Variants in SPATS2L observed in about 807,000 individuals in gnomAD.
The protein encoded by SPATS2L is SPATS2-like protein.
In SPATS2L, 30 loss-of-function variants were observed where a neutral mutation model predicts 59.6. The ratio of observed to expected loss-of-function variants is 0.50; its 90% CI spans 0.38 to 0.68. SPATS2L has a LOEUF of 0.68. SPATS2L is among the 30% of genes least tolerant of loss of function. SPATS2L has a pLI of 0.00. For missense variants in SPATS2L, 615 were observed against 700.0 expected, an observed-to-expected ratio of 0.88 and a Z score of 1.37; for synonymous variants, 252 against 263.5, an observed-to-expected ratio of 0.96 and a Z score of 0.42.
At chr2:200,386,699 C>T (rs2082003859) in intron 2 of SPATS2L, among the ~76,000 whole-genome samples, 1 of 152,184 alleles carries the variant, frequency 6.6e-6, no homozygotes, top group Non-Finnish European at 1.5e-5. Flanking sequence ...TTAGATGTGT[C>T]CAGAAGAATC....
chr2:200,335,783 TGCA>T (rs2080122531), intron 2 of SPATS2L, among the ~76,000 whole-genome samples: 2 of 152,302 alleles, frequency 1.3e-5, no homozygotes, highest in Non-Finnish European at 1.5e-5. Context: ...GATTAGGACT[TGCA>T]TTTACATTCA....
At chr2:200,356,455 CAT>C (rs981931658) in intron 2 of SPATS2L, among the ~76,000 whole-genome samples, 8 of 152,108 alleles carry the variant, frequency 5.3e-5, no homozygotes, top group Admixed American at 1.3e-4. Flanking sequence ...AAGAAAAAAA[CAT>C]GTGTTAAGAA....
intron 2 of SPATS2L, among the ~76,000 whole-genome samples, chr2:200,341,835 G>T (rs1270127648): frequency 1.3e-5 from 2 of 151,750 alleles, no homozygotes; most frequent in Non-Finnish European, 2.9e-5. Flanking sequence ...GACTACAGGT[G>T]CCTGCCACCA....
chr2:200,387,818 A>T (rs2082038559), intron 2 of SPATS2L, among the ~76,000 whole-genome samples: 1 of 152,230 alleles, frequency 6.6e-6, no homozygotes, highest in Non-Finnish European at 1.5e-5. Context: ...TTTCTGAATC[A>T]ATCTGTTTGT....
At chr2:200,475,155 G>T (rs1318811890) in intron 12 of SPATS2L, among the ~76,000 whole-genome samples, 1 of 152,236 alleles carries the variant, frequency 6.6e-6, no homozygotes, top group African/African-American at 2.4e-5. Flanking sequence ...ACATTTGTGT[G>T]TGCAAGGCCC....
intron 7 of SPATS2L, among the ~76,000 whole-genome samples, chr2:200,439,880 A>G (rs1000012982): frequency 6.6e-6 from 1 of 152,198 alleles, no homozygotes; most frequent in Admixed American, 6.5e-5. Context: ...TTGATACGTA[A>G]CTGGTATTAA....
At chr2:200,472,715 T>G in intron 11 of SPATS2L, 117 bp from the exon 12 acceptor site, 1 of 862,486 alleles carries the variant, frequency 1.2e-6, no homozygotes, top group Non-Finnish European at 1.8e-6. Flanking sequence ...AGAAAACTTT[T>G]TAATGTTTTT....
At chr2:200,347,553 G>T (rs1158279851) in intron 2 of SPATS2L, among the ~76,000 whole-genome samples, 1 of 152,170 alleles carries the variant, frequency 6.6e-6, no homozygotes, top group African/African-American at 2.4e-5. Flanking sequence ...ATTTTGAGCT[G>T]CCTTGAACCC....
In SPATS2L at chr2:200,478,273, A is replaced by C; in HGVS notation, c.*242A>C. The C allele has an allele frequency of 2.8e-6, 1 of 355,818 alleles. No individual in the cohort carries two copies. Among genetic ancestry groups the C allele is most frequent in the Non-Finnish European group, 4.9e-6 (1 of 202,170 alleles). The allele number at this position is 355,818 out of a possible 1,614,324, so 22.0% of individuals were successfully genotyped here. On this transcript the variant is annotated 3_prime_UTR_variant, in exon 13 of 13. Coordinates refer to ENST00000409140, the MANE Select transcript of SPATS2L (RefSeq NM_001100423.2). Reference sequence around the variant, plus strand: ...CTTTGCAGCATTTTAGCCAGGCAGTATTTACTCATTATTAGGAAAATCAAG... The same window carrying C: ...CTTTGCAGCATTTTAGCCAGGCAGTCTTTACTCATTATTAGGAAAATCAAG...
At chr2:200,336,181 A>G (rs569896999) in intron 2 of SPATS2L, among the ~76,000 whole-genome samples, 1 of 152,360 alleles carries the variant, frequency 6.6e-6, no homozygotes, top group African/African-American at 2.4e-5. Context: ...TTATGAGTTA[A>G]TGACAGGGAC....
At chr2:200,306,160 G>A (rs1295068759), upstream of SPATS2L, 28 of 997,258 alleles carry the variant, frequency 2.8e-5, no homozygotes, top group Non-Finnish European at 3.3e-5. Context: ...TGATTTTTCA[G>A]GTCATTTTCG....
At chr2:200,341,876 G>C (rs2080340859) in intron 2 of SPATS2L, among the ~76,000 whole-genome samples, 1 of 151,888 alleles carries the variant, frequency 6.6e-6, no homozygotes. Context: ...ATTTTTAGTA[G>C]AGATGGGGTT....
rs2083204021 is a variant in SPATS2L, at chr2:200,419,232, ATTTG to A, written c.199-14_199-11del. 55 of 1,550,320 alleles carry A rather than the reference ATTTG, an allele frequency of 3.5e-5. No individual in the cohort carries two copies. The highest frequency in any genetic ancestry group is 4.7e-5 in the Non-Finnish European group (54 of 1,146,766). On this transcript the variant is annotated splice_polypyrimidine_tract_variant and intron_variant, in intron 5 of 12. Transcript: ENST00000409140. ...AGTCTGAGTTGAATATTATGTTCTCATTTGTTTCTCATTCTAGAACAATAAAAGA... is the reference window on the plus strand; with the variant it reads ...AGTCTGAGTTGAATATTATGTTCTCATTTCTCATTCTAGAACAATAAAAGA...
chr2:200,388,619 C>G (rs922929834), intron 2 of SPATS2L, among the ~76,000 whole-genome samples: 4 of 149,476 alleles, frequency 2.7e-5, no homozygotes, highest in African/African-American at 9.9e-5. Context: ...GATGCCCCCC[C>G]CCCACCCAGA....
chr2:200,309,584 T>G lies in SPATS2L; in HGVS notation c.-73+2662T>G, dbSNP rs13419262. Among the ~76,000 whole-genome samples, 1,407 of 152,318 alleles carry G rather than the reference T, an allele frequency of 9.2e-3. 23 individuals are homozygous for G. Among genetic ancestry groups the G allele is most frequent in the African/African-American group, 0.032 (1,345 of 41,560 alleles). ...ATGACACAGGACATGAGAGTAGGTG[T>G]CTCATATGGACAGATTTAAGTGATT... On this transcript the variant is annotated intron_variant, in intron 1 of 12. Coordinates refer to ENST00000409140, the MANE Select transcript of SPATS2L (RefSeq NM_001100423.2).
At chr2:200,409,190 A>C (rs1354620169) in intron 3 of SPATS2L, among the ~76,000 whole-genome samples, 1 of 152,202 alleles carries the variant, frequency 6.6e-6, no homozygotes, top group Non-Finnish European at 1.5e-5. Flanking sequence ...GAATTTTATG[A>C]GTTCTCCGTA....
chr2:200,467,898 T>C (rs2086713937), intron 10 of SPATS2L, among the ~76,000 whole-genome samples: 1 of 152,154 alleles, frequency 6.6e-6, no homozygotes, highest in African/African-American at 2.4e-5. Context: ...ATTTATTAGA[T>C]TCCTTCATTG....
chr2:200,384,750 T>C (rs1372617989), intron 2 of SPATS2L, among the ~76,000 whole-genome samples: 1 of 152,258 alleles, frequency 6.6e-6, no homozygotes, highest in East Asian at 1.9e-4. Flanking sequence ...TAATAAGTTT[T>C]AACAGTTTCC....
At chr2:200,389,616 T>G (rs945719690) in intron 3 of SPATS2L, 47 of 240,996 alleles carry the variant, frequency 2.0e-4, no homozygotes, top group African/African-American at 9.3e-4. Context: ...GAGCTGGGAT[T>G]TGAACCCATG....
Sources: allele counts gnomAD v4.1 joint callset (sites outside exome capture counted in the v4.1 genomes callset), GRCh38; gene constraint gnomAD v4.1.1; transcripts MANE v1.5; gene names NCBI Gene and HGNC (gene_info 2026-07-23, HGNC 2026-07-21).